The following CNGA1 variants were observed in gnomAD, a reference collection of about 807,000 sequenced individuals.
CNGA1 encodes cyclic nucleotide gated channel subunit alpha 1, also known as cyclic nucleotide-gated channel alpha-1.
In CNGA1, 53 loss-of-function variants were observed where a neutral mutation model predicts 69.7. The observed-to-expected ratio is 0.76, with a 90% CI of 0.61 to 0.96. CNGA1 has a LOEUF of 0.96. Among genes scored for constraint, CNGA1 ranks in the 40% least tolerant of loss-of-function variants. CNGA1 has a pLI of 0.00. For synonymous variants in CNGA1, 249 were observed against 283.5 expected, an observed-to-expected ratio of 0.88 and a Z score of 1.22; for missense variants, 739 against 811.2, an observed-to-expected ratio of 0.91 and a Z score of 1.08.
At position 47,943,264 on chromosome 4, in the gene CNGA1, A is replaced by G; in HGVS notation, c.354T>C (p.Asn118=). ...TCTTTTTCTTCTCTGGGTCGTTTTTATTTTCGTTTTTATCATCTGACTTGC... is the reference window on the plus strand; with the variant it reads ...TCTTTTTCTTCTCTGGGTCGTTTTTGTTTTCGTTTTTATCATCTGACTTGC... The part of the protein sequence containing the change: ...KKSKSDDKNE[N]KNDPEKKKKK... The change falls in exon 8 of 11, where the codon AAT becomes AAC. Residue 118 remains asparagine, a synonymous_variant. Coordinates refer to ENST00000514170, the MANE Select transcript of CNGA1 (RefSeq NM_001379270.1). 6.7e-7 allele frequency: 1 copy of G among 1,488,752 alleles called. No individual in the cohort carries two copies. Among genetic ancestry groups the G allele is most frequent in the Non-Finnish European group, 9.0e-7 (1 of 1,105,580 alleles). 92.2% of individuals were successfully genotyped at this position (1,488,752 alleles called of 1,614,324 possible).
At chr4:47,960,987 C>A (rs1261475433) in intron 3 of CNGA1, among the ~76,000 whole-genome samples, 1 of 152,050 alleles carries the variant, frequency 6.6e-6, no homozygotes, top group African/African-American at 2.4e-5. Flanking sequence ...ATACATAGAT[C>A]AAAAATCATC....
chr4:47,996,166 T>C (rs1742470819), intron 2 of CNGA1, among the ~76,000 whole-genome samples: 1 of 152,184 alleles, frequency 6.6e-6, no homozygotes, highest in South Asian at 2.1e-4. Context: ...CTCCACACAC[T>C]GCTCTGTCTA....
chr4:47,974,769 T>C (rs1345859874), intron 3 of CNGA1, among the ~76,000 whole-genome samples: 1 of 151,892 alleles, frequency 6.6e-6, no homozygotes, highest in Non-Finnish European at 1.5e-5. Context: ...CTAGAATGGG[T>C]TGTGCCTGCT....
At chr4:47,982,082 A>G (rs967610795) in intron 2 of CNGA1, among the ~76,000 whole-genome samples, 1 of 152,228 alleles carries the variant, frequency 6.6e-6, no homozygotes, top group African/African-American at 2.4e-5. Flanking sequence ...AAAAATCATC[A>G]CAATATTTCA....
chr4:48,008,047 C>T (rs555144650), intron 2 of CNGA1, among the ~76,000 whole-genome samples: 4 of 152,164 alleles, frequency 2.6e-5, no homozygotes, highest in South Asian at 2.1e-4. Flanking sequence ...AATCAATACC[C>T]TAAGGAACTT....
intron 10 of CNGA1, 39 bp downstream of exon 10, chr4:47,940,724 G>T: frequency 1.6e-6 from 2 of 1,265,152 alleles, no homozygotes; most frequent in Non-Finnish European, 2.3e-6. Flanking sequence ...AGAGATAAAA[G>T]CATGAAATTT....
chr4:47,943,787 T>C (rs1238283335), intron 6 of CNGA1, among the ~76,000 whole-genome samples: 1 of 152,244 alleles, frequency 6.6e-6, no homozygotes. Flanking sequence ...TATCCTTGAA[T>C]AAAATCATTC....
chr4:47,996,089 C>T (rs924555849), intron 2 of CNGA1, among the ~76,000 whole-genome samples: 2 of 152,174 alleles, frequency 1.3e-5, no homozygotes, highest in African/African-American at 2.4e-5. Flanking sequence ...AGAGAGGTCT[C>T]TGGGTACTCC....
At chr4:47,962,214 T>G (rs1219658230) in intron 3 of CNGA1, among the ~76,000 whole-genome samples, 4 of 151,710 alleles carry the variant, frequency 2.6e-5, no homozygotes, top group Admixed American at 2.6e-4. Flanking sequence ...TGTGGTGGTG[T>G]GTGCCTGTAA....
At chr4:47,988,756 ATATT>A (rs1338232755) in intron 2 of CNGA1, among the ~76,000 whole-genome samples, 1 of 152,134 alleles carries the variant, frequency 6.6e-6, no homozygotes, top group Admixed American at 6.6e-5. Context: ...GTGAGTCAAT[ATATT>A]CATTCATTCA....
At chr4:48,006,982 T>A (rs908573239) in intron 2 of CNGA1, among the ~76,000 whole-genome samples, 3 of 152,042 alleles carry the variant, frequency 2.0e-5, no homozygotes, top group African/African-American at 7.3e-5. Context: ...TTACACTTGA[T>A]ATCACAAAAT....
chr4:47,940,964 G>A, intron 9 of CNGA1, 95 bp from the exon 10 acceptor site: 2 of 798,110 alleles, frequency 2.5e-6, no homozygotes, highest in South Asian at 3.0e-5. Context: ...ATGATGAGAA[G>A]CACAGCACAC....
rs2110174961 is a variant in CNGA1, at chr4:47,959,747, G to T, written c.-14-7044C>A. On this transcript the variant is annotated intron_variant, in intron 3 of 10. Coordinates refer to ENST00000514170, the MANE Select transcript of CNGA1 (RefSeq NM_001379270.1). Reference sequence around the variant, plus strand: ...GTCACCAGAGTAGCTGGGATTACAGGCACCTGCCACCATGCCTGGCTAATT... The same window carrying T: ...GTCACCAGAGTAGCTGGGATTACAGTCACCTGCCACCATGCCTGGCTAATT... Among the ~76,000 whole-genome samples, 3 of 152,152 alleles carry T rather than the reference G, an allele frequency of 2.0e-5. No homozygotes were observed. In the South Asian group the frequency reaches 6.2e-4, roughly 32 times the overall value.
At chr4:47,960,778 T>C (rs147875551) in intron 3 of CNGA1, among the ~76,000 whole-genome samples, 32 of 152,290 alleles carry the variant, frequency 2.1e-4, no homozygotes, top group African/African-American at 6.7e-4. Context: ...TCCAACAACA[T>C]GGATGAATCC....
chr4:47,942,262 G>T, intron 8 of CNGA1, 114 bp from the exon 9 acceptor site: 1 of 742,560 alleles, frequency 1.3e-6, no homozygotes, highest in Non-Finnish European at 2.4e-6. Flanking sequence ...GAAGTAAGCT[G>T]GAGAAGCTCA....
chr4:47,939,914 C>T (rs1343137634), intron 10 of CNGA1, among the ~76,000 whole-genome samples: 2 of 152,182 alleles, frequency 1.3e-5, no homozygotes, highest in Non-Finnish European at 2.9e-5. Flanking sequence ...TGGGTACTTG[C>T]CCTGTGCTGT....
chr4:47,974,619 G>A (rs1413959608), intron 3 of CNGA1, among the ~76,000 whole-genome samples: 1 of 152,134 alleles, frequency 6.6e-6, no homozygotes, highest in Non-Finnish European at 1.5e-5. Flanking sequence ...CTGTTATATA[G>A]CATGGTAAAA....
At chr4:48,015,927 A>G (rs903297664) in intron 1 of CNGA1, among the ~76,000 whole-genome samples, 5 of 152,290 alleles carry the variant, frequency 3.3e-5, no homozygotes, top group Non-Finnish European at 7.4e-5. Flanking sequence ...AATACCTGCT[A>G]TCAGGTCTTC....
intron 3 of CNGA1, among the ~76,000 whole-genome samples, chr4:47,954,140 G>T (rs1013335865): frequency 1.3e-5 from 2 of 152,100 alleles, no homozygotes; most frequent in African/African-American, 4.8e-5. Context: ...GGCAGAGAAG[G>T]AGGGAAGAGG....
Sources: allele counts gnomAD v4.1 joint callset (sites outside exome capture counted in the v4.1 genomes callset), GRCh38; gene constraint gnomAD v4.1.1; transcripts MANE v1.5; gene names NCBI Gene and HGNC (gene_info 2026-07-23, HGNC 2026-07-21).